Variants in AHNAK observed in about 807,000 individuals in gnomAD.
The protein encoded by AHNAK is AHNAK nucleoprotein.
In AHNAK, 23 loss-of-function variants were observed where a neutral mutation model predicts 37.8. The ratio of observed to expected loss-of-function variants is 0.61; its 90% confidence interval spans 0.44 to 0.86. The LOEUF (loss-of-function observed/expected upper bound fraction) is 0.86, where lower values mean the gene tolerates loss of function less well. Among genes scored for constraint, AHNAK ranks in the 40% least tolerant of loss-of-function variants. The probability of loss-of-function intolerance (pLI) is 0.00; values close to 1 mark genes in which losing one functional copy is unlikely to be tolerated. For missense variants in AHNAK, 7,411 were observed against 7,319.4 expected (o/e 1.01, Z -0.46); for synonymous variants, 2,481 against 2,636.3 (o/e 0.94, Z 1.80).
At position 62,523,465 on chromosome 11, in the gene AHNAK, T is replaced by C; in HGVS notation, c.10952A>G (p.Asp3651Gly). The C allele has an allele frequency of 6.2e-7, 1 of 1,613,710 alleles. No homozygotes were observed. The highest frequency in any genetic ancestry group is 8.5e-7 in the Non-Finnish European group (1 of 1,179,934). Residue 3651 changes from aspartate (D) to glycine (G), a missense_variant, in exon 5 of 5, where the codon GAT becomes GGT. By Grantham distance (94) the Asp-to-Gly change is moderately conservative. Coordinates refer to ENST00000378024, the MANE Select transcript of AHNAK (RefSeq NM_001620.3). ...DVPDVNIEGP[D>G]AKLKGPKFKM... Reference sequence around the variant, plus strand: ...GAACTTGGGGCCCTTCAGCTTTGCATCTGGACCTTCAATATTCACGTCTGG... The same window carrying C: ...GAACTTGGGGCCCTTCAGCTTTGCACCTGGACCTTCAATATTCACGTCTGG...
chr11:62,483,287 C>T (rs1176751016), intron 5 of AHNAK, among the ~76,000 whole-genome samples: 2 of 152,182 alleles, frequency 1.3e-5, no homozygotes, highest in Admixed American at 6.5e-5. Context: ...ATACGGGAGT[C>T]GGGGGCCACT....
chr11:62,528,484 T>G lies in AHNAK; in HGVS notation c.5933A>C (p.Lys1978Thr). The G allele has an allele frequency of 6.2e-7, 1 of 1,613,108 alleles. No individual in the cohort carries two copies. The highest frequency in any genetic ancestry group is 8.5e-7 in the Non-Finnish European group (1 of 1,179,818). ...GGTCTTGAAGTGCATCTCAGGCATC[T>G]TAAACTTGGGCCCTTTCAACTTTGC... ...PDAKLKGPKF[K>T]MPEMHFKTPK... Residue 1978 changes from lysine to threonine, a missense_variant, in exon 5 of 5, where the codon AAG becomes ACG. Physicochemically the swap from Lys to Thr is moderately conservative, Grantham distance 78 (BLOSUM62 -1). Coordinates refer to ENST00000378024, the MANE Select transcript of AHNAK (RefSeq NM_001620.3).
chr11:62,449,708 A>G (rs1448875937), intron 5 of AHNAK, among the ~76,000 whole-genome samples: 1 of 152,220 alleles, frequency 6.6e-6, no homozygotes, highest in African/African-American at 2.4e-5. Context: ...TGGCAAAAAT[A>G]ACAATGACTA....
chr11:62,454,196 G>A (rs1010825778), intron 5 of AHNAK, among the ~76,000 whole-genome samples: 4 of 151,676 alleles, frequency 2.6e-5, no homozygotes, highest in Non-Finnish European at 5.9e-5. Context: ...GGCGGATCAC[G>A]AGGTCAGGAG....
chr11:62,526,381 G>A lies in AHNAK; in HGVS notation c.8036C>T (p.Pro2679Leu). 6.2e-7 allele frequency: 1 copy of A among 1,609,746 alleles called. No homozygotes were observed. Among genetic ancestry groups the A allele is most frequent in the South Asian group, 1.1e-5 (1 of 90,884 alleles). ...VSGPKVDIEG[P>L]DVNIEGPEGK... The stretch of plus-strand genomic sequence containing the variant: ...CTCTGGTCCTTCAATGTTAACATCA[G>A]GGCCTTCAATGTCCACTTTGGGTCC... Residue 2679 changes from proline (P) to leucine (L), a missense_variant, in exon 5 of 5, where the codon CCT becomes CTT. Transcript: ENST00000378024.
chr11:62,464,544 T>C (rs1186679655), intron 5 of AHNAK, among the ~76,000 whole-genome samples: 2 of 152,060 alleles, frequency 1.3e-5, no homozygotes, highest in African/African-American at 4.8e-5. Context: ...GCCACGCACC[T>C]GTAGTCCCAG....
Position 62,530,235 on chromosome 11 carries a change from G to A in AHNAK, c.4182C>T (p.Gly1394=), listed in dbSNP as rs761609043. 5.0e-6 allele frequency: 8 copies of A among 1,612,182 alleles called. No homozygotes were observed. The highest frequency in any genetic ancestry group is 2.2e-5 in the South Asian group (2 of 90,992). The change falls in exon 5 of 5, where the codon GGC becomes GGT. Residue 1394 remains glycine (G), a synonymous_variant. Transcript: ENST00000378024. ...KVKMPKFSMP[G]FKGEGPEVDV... is the part of the protein sequence containing the mutation. ...CCACTTCAGGGCCCTCTCCTTTGAA[G>A]CCGGGCATGCTGAACTTGGGCATTT...
In AHNAK at chr11:62,520,661, A is replaced by G. The variant is rs12796082; in HGVS notation, c.13756T>C (p.Leu4586=). ...LKGPKFKMPD[L]HLKAPKISMP... Reference sequence around the variant, plus strand: ...GAGATCTTCGGTGCCTTGAGGTGTAAGTCAGGCATTTTAAATTTGGGGCCC... The same window carrying G: ...GAGATCTTCGGTGCCTTGAGGTGTAGGTCAGGCATTTTAAATTTGGGGCCC... The change falls in exon 5 of 5, where the codon TTA becomes CTA. Residue 4586 remains leucine, a synonymous_variant. Transcript: ENST00000378024. 8.1e-6 allele frequency: 13 copies of G among 1,613,470 alleles called. No homozygotes were observed. The highest frequency in any genetic ancestry group is 1.0e-5 in the Non-Finnish European group (12 of 1,179,886).
chr11:62,447,197 C>T (rs1326748638), intron 5 of AHNAK, among the ~76,000 whole-genome samples: 4 of 152,168 alleles, frequency 2.6e-5, no homozygotes, highest in African/African-American at 9.7e-5. Flanking sequence ...TAATGGCAAG[C>T]GCTATTCCCT....
At chr11:62,486,467 C>A (rs1179920936) in intron 5 of AHNAK, among the ~76,000 whole-genome samples, 1 of 144,554 alleles carries the variant, frequency 6.9e-6, no homozygotes, top group African/African-American at 2.5e-5. Context: ...GAGCTAAACT[C>A]CGAAACTCTG....
rs1192250391 is a variant in AHNAK, at chr11:62,529,410, C to T, written c.5007G>A (p.Gly1669=). 2 of 1,613,692 alleles carry T rather than the reference C, an allele frequency of 1.2e-6. No individual in the cohort carries two copies. The highest frequency in any genetic ancestry group is 2.7e-5 in the African/African-American group (2 of 74,792). Residue 1669 remains glycine (G), a synonymous_variant, in exon 5 of 5, where the codon GGG becomes GGA. Coordinates refer to ENST00000378024, the MANE Select transcript of AHNAK (RefSeq NM_001620.3). Reference sequence around the variant, plus strand: ...CCTTGGGCACAGACACATCCATATCCCCTTTGACTTTGGGGCCTTTCAAGT... The same window carrying T: ...CCTTGGGCACAGACACATCCATATCTCCTTTGACTTTGGGGCCTTTCAAGT... ...DLHLKGPKVK[G]DMDVSVPKVE...
rs749750417 is a variant in AHNAK at position 62,516,798 on chromosome 11, C to T, written c.17619G>A (p.Lys5873=). Residue 5873 remains lysine, a synonymous_variant, in exon 5 of 5, where the codon AAG becomes AAA. Coordinates refer to ENST00000378024, the MANE Select transcript of AHNAK (RefSeq NM_001620.3). The part of the protein sequence containing the change: ...SSSSSNDSGN[K]VGIQLPEVEL... Reference sequence around the variant, plus strand: ...CCACCTCGGGAAGCTGGATGCCAACCTTATTCCCACTGTCATTGCTAGAAG... The same window carrying T: ...CCACCTCGGGAAGCTGGATGCCAACTTTATTCCCACTGTCATTGCTAGAAG... 6.2e-7 allele frequency: 1 copy of T among 1,614,046 alleles called. No individual in the cohort carries two copies. The highest frequency in any genetic ancestry group is 1.6e-4 in the Middle Eastern group (1 of 6,062).
At chr11:62,491,381 G>T (rs924457571) in intron 5 of AHNAK, among the ~76,000 whole-genome samples, 6 of 152,154 alleles carry the variant, frequency 3.9e-5, no homozygotes, top group African/African-American at 1.4e-4. Context: ...TTAATTCTGA[G>T]TCTTTGGTTT....
In AHNAK at chr11:62,524,243, C is replaced by T; in HGVS notation, c.10174G>A (p.Val3392Ile). The T allele has an allele frequency of 2.5e-6, 4 of 1,613,054 alleles. No homozygotes were observed. Among genetic ancestry groups the T allele is most frequent in the Non-Finnish European group, 3.4e-6 (4 of 1,179,732 alleles). Residue 3392 changes from valine to isoleucine, a missense_variant, in exon 5 of 5, where the codon GTC (valine) becomes ATC (isoleucine). Transcript: ENST00000378024. ...GPKVDINAPDVEVQGKVKGSK... is the reference protein window; with the variant it reads ...GPKVDINAPDIEVQGKVKGSK... ...CCTTTCACTTTTCCTTGGACCTCGA[C>T]ATCAGGAGCATTAATATCAACTTTT...
In AHNAK at chr11:62,526,884, G is replaced by T. The variant is rs903029387; in HGVS notation, c.7533C>A (p.Pro2511=). The T allele has an allele frequency of 4.3e-6, 7 of 1,613,890 alleles. No individual in the cohort carries two copies. The Admixed American group carries it at 5.0e-5, about 12-fold the overall frequency. ...VQAPDWHLKM[P]KMKMPKFSMP... ...TGCTGAACTTGGGCATTTTCATCTT[G>T]GGCATCTTCAGGTGCCAGTCTGGAG... Residue 2511 remains proline, a synonymous_variant, in exon 5 of 5, where the codon CCC becomes CCA. Coordinates refer to ENST00000378024, the MANE Select transcript of AHNAK (RefSeq NM_001620.3).
Position 62,518,323 on chromosome 11 carries a change from AGTGTCACATCTG to A in AHNAK, c.16082_16093del (p.Pro5361_Thr5364del). Reference sequence around the variant, plus strand: ...ATCTCCCTGCAGGCTTGGTCCCCTCAGTGTCACATCTGGTGCCCCAACGTTAAGCTTTGTTGT... The same window carrying A: ...ATCTCCCTGCAGGCTTGGTCCCCTCAGTGCCCCAACGTTAAGCTTTGTTGT... On this transcript the variant is annotated inframe_deletion, in exon 5 of 5. Coordinates refer to ENST00000378024, the MANE Select transcript of AHNAK (RefSeq NM_001620.3). 6.2e-7 allele frequency: 1 copy of A among 1,614,138 alleles called. No homozygotes were observed. The highest frequency in any genetic ancestry group is 8.5e-7 in the Non-Finnish European group (1 of 1,180,014).
At chr11:62,466,590 T>C (rs1433359857) in intron 5 of AHNAK, among the ~76,000 whole-genome samples, 1 of 151,452 alleles carries the variant, frequency 6.6e-6, no homozygotes, top group African/African-American at 2.4e-5. Flanking sequence ...GATTTGTCTC[T>C]CACCCCTGCC....
intron 5 of AHNAK, among the ~76,000 whole-genome samples, chr11:62,464,015 G>A (rs950080891): frequency 1.3e-5 from 2 of 150,994 alleles, no homozygotes; most frequent in Admixed American, 6.6e-5. Context: ...TGATCCGCCC[G>A]CCTCAGCCTC....
chr11:62,456,475 CAGAG>C (rs1938660813), intron 5 of AHNAK, among the ~76,000 whole-genome samples: 1 of 152,188 alleles, frequency 6.6e-6, no homozygotes, highest in Non-Finnish European at 1.5e-5. Context: ...AACTGACACT[CAGAG>C]AGGTTAATAA....
Sources: gnomAD v4.1 joint callset for allele counts (sites outside exome capture counted in the v4.1 genomes callset) on GRCh38, gnomAD v4.1.1 for gene constraint, MANE v1.5 for transcripts, NCBI Gene and HGNC (gene_info 2026-07-23, HGNC 2026-07-21) for gene names.